Variants in FMN1 observed in about 807,000 individuals in gnomAD.
FMN1 encodes the protein formin 1.
Under a neutral mutation model 132.4 loss-of-function variants are expected in FMN1, and 110 were observed. The observed-to-expected ratio is 0.83, with a 90% CI of 0.71 to 0.97. FMN1 has a LOEUF of 0.97. Ranked by LOEUF, FMN1 falls within the 50% of genes least tolerant of loss-of-function variation. The pLI, the probability that FMN1 is intolerant of heterozygous loss-of-function variation, is 0.00. For synonymous variants in FMN1, 722 were observed against 651.7 expected (o/e 1.11, Z -1.64); for missense variants, 1,792 against 1,705.3 (o/e 1.05, Z -0.90).
In FMN1 at chr15:32,948,809, T is replaced by C. The variant is rs117229621; in HGVS notation, c.3138+15298A>G. 7.3e-3 allele frequency among the ~76,000 whole-genome samples: 1,110 copies of C among 152,208 alleles called. 3 individuals are homozygous for C. The highest frequency in any genetic ancestry group is 0.012 in the Non-Finnish European group (830 of 67,932). The stretch of plus-strand genomic sequence containing the variant: ...TCAAAGAAGAAACTTTTGTCTTTAA[T>C]TGATGTTCTCTATTAACTTAAAAAA... On this transcript the variant is annotated intron_variant, in intron 9 of 20. Coordinates refer to ENST00000616417, the MANE Select transcript of FMN1 (RefSeq NM_001277313.2).
chr15:32,935,444 T>G (rs548881707), intron 9 of FMN1, among the ~76,000 whole-genome samples: 55 of 152,292 alleles, frequency 3.6e-4, no homozygotes, highest in African/African-American at 1.3e-3. Flanking sequence ...CAGTGTGGTC[T>G]TTTGAGTTCT....
Position 32,795,256 on chromosome 15 carries a change from C to T in FMN1, c.4130+3548G>A, listed in dbSNP as rs75842833. ...TGGGGGTTCAGGTGAGGCAAGGTAG[C>T]TATAGATGTTTACCGATTTCAAGAG... On this transcript the variant is annotated intron_variant, in intron 19 of 20. Transcript: ENST00000616417. Among the ~76,000 whole-genome samples the T allele has an allele frequency of 2.7e-3, 412 of 152,202 alleles. 1 individual carries two copies. Among genetic ancestry groups the T allele is most frequent in the African/African-American group, 9.5e-3 (396 of 41,536 alleles).
intron 4 of FMN1, among the ~76,000 whole-genome samples, chr15:33,122,757 G>C (rs992329278): frequency 2.0e-5 from 3 of 152,184 alleles, no homozygotes; most frequent in Admixed American, 2.0e-4. Context: ...TGTCAACAAA[G>C]ATTGACCACG....
At chr15:32,938,542 A>G (rs2061331654) in intron 9 of FMN1, among the ~76,000 whole-genome samples, 1 of 152,158 alleles carries the variant, frequency 6.6e-6, no homozygotes, top group Non-Finnish European at 1.5e-5. Context: ...GAAATGTTCC[A>G]AATTTTGTCA....
chr15:32,979,472 C>T (rs919753033), intron 7 of FMN1, among the ~76,000 whole-genome samples: 3 of 147,046 alleles, frequency 2.0e-5, no homozygotes, highest in East Asian at 2.1e-4. Flanking sequence ...AAGATAACAG[C>T]GTGAACCCGG....
intron 17 of FMN1, among the ~76,000 whole-genome samples, chr15:32,833,560 G>A (rs189955608): frequency 4.1e-4 from 62 of 152,218 alleles, no homozygotes; most frequent in Admixed American, 1.8e-3. Context: ...TCAAGTCCCC[G>A]GCCCAAAAGT....
chr15:32,786,642 C>T (rs2056888361), intron 19 of FMN1, among the ~76,000 whole-genome samples: 1 of 152,138 alleles, frequency 6.6e-6, no homozygotes, highest in Admixed American at 6.5e-5. Flanking sequence ...GGCTTCCTTG[C>T]CTCAGAAAGC....
At chr15:33,164,713 A>G (rs1198660723) in intron 3 of FMN1, among the ~76,000 whole-genome samples, 1 of 152,222 alleles carries the variant, frequency 6.6e-6, no homozygotes, top group Non-Finnish European at 1.5e-5. Context: ...GTTTTACATC[A>G]CTATCTGGCT....
At chr15:33,112,541 A>T (rs902566453) in intron 4 of FMN1, among the ~76,000 whole-genome samples, 1 of 152,180 alleles carries the variant, frequency 6.6e-6, no homozygotes, top group African/African-American at 2.4e-5. Flanking sequence ...TACCTGCAGC[A>T]AAGAATTTCA....
chr15:32,812,022 A>G (rs1432719990), intron 17 of FMN1, among the ~76,000 whole-genome samples: 1 of 142,206 alleles, frequency 7.0e-6, no homozygotes, highest in Non-Finnish European at 1.6e-5. Context: ...CACTAAACAA[A>G]CAAACAAACA....
At chr15:33,060,175 T>C (rs915680709) in intron 6 of FMN1, among the ~76,000 whole-genome samples, 4 of 147,754 alleles carry the variant, frequency 2.7e-5, no homozygotes, top group African/African-American at 9.8e-5. Context: ...TGAAAGATAG[T>C]ACAATGCACA....
chr15:32,777,454 ATT>A (rs2056457325), intron 19 of FMN1, among the ~76,000 whole-genome samples: 1 of 66,074 alleles, frequency 1.5e-5, no homozygotes, highest in African/African-American at 5.2e-5. Context: ...TATATATTAT[ATT>A]TATATATTAC....
chr15:33,154,209 A>G lies in FMN1; in HGVS notation c.706T>C (p.Cys236Arg), dbSNP rs1450195795. The G allele has an allele frequency of 1.3e-6, 2 of 1,536,262 alleles. No individual in the cohort carries two copies. Among genetic ancestry groups the G allele is most frequent in the South Asian group, 2.4e-5 (2 of 84,056 alleles). The change falls in exon 4 of 21, where the codon TGC becomes CGC. Residue 236 changes from cysteine (C) to arginine (R), a missense_variant. Cys to Arg is a radical substitution (Grantham distance 180, BLOSUM62 -3). Coordinates refer to ENST00000616417, the MANE Select transcript of FMN1 (RefSeq NM_001277313.2). ...GGCGTCTTGGGAATATCTGGGGGGCAGCTCTCTCTCCTCTGCAGGGAGCAG... is the reference window on the plus strand; with the variant it reads ...GGCGTCTTGGGAATATCTGGGGGGCGGCTCTCTCTCCTCTGCAGGGAGCAG... ...LACSLQRRES[C>R]PPDIPKTPDT...
Position 33,164,778 on chromosome 15 carries a change from C to T in FMN1, c.-131-9733G>A, listed in dbSNP as rs75200728. Among the ~76,000 whole-genome samples, 933 of 152,180 alleles carry T rather than the reference C, an allele frequency of 6.1e-3. 12 individuals carry two copies. The highest frequency in any genetic ancestry group is 0.021 in the African/African-American group (889 of 41,506). On this transcript the variant is annotated intron_variant, in intron 3 of 20. Transcript: ENST00000616417. ...TATGCTTAGGAAATAAGCCCTTTCC[C>T]CCTGATTTAATTTTTAATTTTTATG...
At chr15:32,810,249 C>T (rs184071586) in intron 17 of FMN1, among the ~76,000 whole-genome samples, 2 of 152,194 alleles carry the variant, frequency 1.3e-5, no homozygotes, top group African/African-American at 2.4e-5. Flanking sequence ...GAAAAGTACA[C>T]AACAGAAGAA....
In FMN1 at chr15:32,842,387, T is replaced by C. The variant is rs561212796; in HGVS notation, c.3928+14628A>G. Among the ~76,000 whole-genome samples, 25 of 152,310 alleles carry C rather than the reference T, an allele frequency of 1.6e-4. No individual in the cohort carries two copies. In the South Asian group the frequency reaches 4.8e-3, roughly 29 times the overall value. On this transcript the variant is annotated intron_variant, in intron 17 of 20. Coordinates refer to ENST00000616417, the MANE Select transcript of FMN1 (RefSeq NM_001277313.2). ...TCTAACTCCAACTTCACAGGAGACC[T>C]GAAGCAAGAACTAGCCAGTTAAGTC...
At chr15:33,068,286 G>A in intron 5 of FMN1, 1 of 177,312 alleles carries the variant, frequency 5.6e-6, no homozygotes, top group South Asian at 1.3e-4. Context: ...CAGGCCGGCG[G>A]TTCTCCTGGT....
intron 4 of FMN1, among the ~76,000 whole-genome samples, chr15:33,091,844 C>G (rs770009984): frequency 1.4e-4 from 22 of 152,136 alleles, no homozygotes; most frequent in Non-Finnish European, 3.2e-4. Context: ...TAAATATATT[C>G]TGTCAAAACA....
intron 17 of FMN1, among the ~76,000 whole-genome samples, chr15:32,856,547 C>T (rs1047133853): frequency 6.6e-6 from 1 of 152,156 alleles, no homozygotes; most frequent in African/African-American, 2.4e-5. Flanking sequence ...ATTCACTTGG[C>T]CCTAATTTTC....
Sources: gnomAD v4.1 joint callset for allele counts (sites outside exome capture counted in the v4.1 genomes callset) on GRCh38, gnomAD v4.1.1 for gene constraint, MANE v1.5 for transcripts, NCBI Gene and HGNC (gene_info 2026-07-23, HGNC 2026-07-21) for gene names.